Variants in CDKAL1 observed in about 807,000 individuals in gnomAD.
The protein encoded by CDKAL1 is threonylcarbamoyladenosine tRNA methylthiotransferase.
In CDKAL1, 32 loss-of-function variants were observed where a neutral mutation model predicts 68.2. The ratio of observed to expected loss-of-function variants is 0.47; its 90% CI spans 0.35 to 0.63. CDKAL1 has a LOEUF of 0.63. Ranked by LOEUF, CDKAL1 falls within the 30% of genes least tolerant of loss-of-function variation. The pLI, the probability that CDKAL1 is intolerant of heterozygous loss-of-function variation, is 0.00. For missense variants in CDKAL1, 606 were observed against 696.7 expected (o/e 0.87, Z 1.47); for synonymous variants, 234 against 244.3 (o/e 0.96, Z 0.39).
At chr6:21,226,223 A>T (rs1779735674) in intron 15 of CDKAL1, among the ~76,000 whole-genome samples, 1 of 152,126 alleles carries the variant, frequency 6.6e-6, no homozygotes, top group Admixed American at 6.5e-5. Context: ...TTATCATCCC[A>T]ACTGTCTGTA....
chr6:20,649,982 G>T (rs1388115130), intron 5 of CDKAL1, among the ~76,000 whole-genome samples: 1 of 152,198 alleles, frequency 6.6e-6, no homozygotes, highest in East Asian at 1.9e-4. Context: ...AATTTGGGTT[G>T]ATTCCATGTC....
chr6:20,782,820 C>T (rs1775487020), intron 8 of CDKAL1, among the ~76,000 whole-genome samples: 1 of 152,152 alleles, frequency 6.6e-6, no homozygotes, highest in Admixed American at 6.6e-5. Context: ...TAAAATTTGA[C>T]AGTTTAGTGG....
intron 9 of CDKAL1, among the ~76,000 whole-genome samples, chr6:20,895,506 C>T (rs1277511844): frequency 6.6e-6 from 1 of 152,164 alleles, no homozygotes; most frequent in African/African-American, 2.4e-5. Flanking sequence ...TTTTAGAATT[C>T]AGAATCTAAA....
intron 9 of CDKAL1, among the ~76,000 whole-genome samples, chr6:20,912,006 T>G (rs546981423): frequency 1.3e-5 from 2 of 152,278 alleles, no homozygotes; most frequent in South Asian, 4.1e-4. Context: ...CTGACAACTT[T>G]CCTCTGAGAA....
intron 10 of CDKAL1, among the ~76,000 whole-genome samples, chr6:20,982,817 A>G (rs1041697627): frequency 6.6e-6 from 1 of 152,308 alleles, no homozygotes; most frequent in South Asian, 2.1e-4. Context: ...AAATAAATCT[A>G]TATTTTTAAT....
At chr6:21,202,539 T>C (rs11965158) in intron 15 of CDKAL1, among the ~76,000 whole-genome samples, 148 of 152,326 alleles carry the variant, frequency 9.7e-4, no homozygotes, top group African/African-American at 3.1e-3. Flanking sequence ...AGTCAGCTTA[T>C]TTTTTGTTTT....
intron 10 of CDKAL1, among the ~76,000 whole-genome samples, chr6:20,984,345 A>T (rs1414306978): frequency 6.6e-6 from 1 of 152,054 alleles, no homozygotes; most frequent in South Asian, 2.1e-4. Context: ...CGGGTGCAGG[A>T]GCTGGGGCAA....
intron 10 of CDKAL1, among the ~76,000 whole-genome samples, chr6:20,987,896 C>T (rs1766562104): frequency 6.6e-6 from 1 of 151,230 alleles, no homozygotes; most frequent in Non-Finnish European, 1.5e-5. Context: ...CCTTCTACCT[C>T]GGCCTCCCAA....
At chr6:20,548,547 T>A (rs1454683672) in intron 3 of CDKAL1, 46 bp from the exon 4 acceptor site, 1 of 858,172 alleles carries the variant, frequency 1.2e-6, no homozygotes, top group South Asian at 1.4e-5. Context: ...AAAAAAAAAA[T>A]CACTCAATGA....
chr6:20,617,777 G>A (rs575526250), intron 4 of CDKAL1, among the ~76,000 whole-genome samples: 48 of 152,192 alleles, frequency 3.2e-4, no homozygotes, highest in African/African-American at 1.0e-3. Context: ...ATAGTATTCC[G>A]TGGTGTATAT....
intron 9 of CDKAL1, among the ~76,000 whole-genome samples, chr6:20,944,842 C>T (rs1275952720): frequency 6.6e-6 from 1 of 152,090 alleles, no homozygotes; most frequent in Non-Finnish European, 1.5e-5. Context: ...ACATTACCTG[C>T]AAATGTTTGT....
rs371034134 is a variant in CDKAL1, at chr6:20,595,315, C to T, written c.286+46610C>T. Among the ~76,000 whole-genome samples the T allele has an allele frequency of 3.9e-5, 6 of 152,272 alleles. No homozygotes were observed. The East Asian group carries it at 7.7e-4, about 20-fold the overall frequency. ...ATCACTTTCAGGTACACCAATCAAA[C>T]GTAGGTTTGGTCTTTTCACATAGTC... On this transcript the variant is annotated intron_variant, in intron 4 of 15. Transcript: ENST00000274695.
At chr6:20,699,832 AC>A (rs1210279068) in intron 5 of CDKAL1, among the ~76,000 whole-genome samples, 2 of 152,224 alleles carry the variant, frequency 1.3e-5, no homozygotes, top group Admixed American at 1.3e-4. Flanking sequence ...CTTTTGATTT[AC>A]TTAGTAGTTT....
rs375003254 is a variant in CDKAL1 at position 20,671,831 on chromosome 6, T to C, written c.371+22454T>C. Among the ~76,000 whole-genome samples the C allele has an allele frequency of 1.6e-4, 25 of 152,222 alleles. No homozygotes were observed. The East Asian group carries it at 2.9e-3, about 18-fold the overall frequency. ...ATGGCTTACTACAGCCTTGAGATCA[T>C]GGACCAACATGATTCTCCTGCCTCT... On this transcript the variant is annotated intron_variant, in intron 5 of 15. Coordinates refer to ENST00000274695, the MANE Select transcript of CDKAL1 (RefSeq NM_017774.3).
intron 13 of CDKAL1, among the ~76,000 whole-genome samples, chr6:21,161,107 C>T (rs1293408524): frequency 2.0e-5 from 3 of 152,052 alleles, no homozygotes; most frequent in Non-Finnish European, 4.4e-5. Context: ...GCTGGTGACA[C>T]CCAGCCTGAC....
chr6:21,065,263 C>G, intron 12 of CDKAL1, 35 bp downstream of exon 12: 1 of 1,524,274 alleles, frequency 6.6e-7, no homozygotes, highest in Non-Finnish European at 9.0e-7. Context: ...TTGTTTTTTG[C>G]CAGTAGCTAT....
intron 2 of CDKAL1, among the ~76,000 whole-genome samples, chr6:20,545,593 T>C (rs1036760513): frequency 1.3e-5 from 2 of 152,110 alleles, no homozygotes; most frequent in African/African-American, 2.4e-5. Flanking sequence ...TACACCACCA[T>C]GCCTGGCTAA....
At chr6:20,705,648 C>T (rs1448309069) in intron 5 of CDKAL1, among the ~76,000 whole-genome samples, 2 of 152,160 alleles carry the variant, frequency 1.3e-5, no homozygotes, top group Non-Finnish European at 2.9e-5. Flanking sequence ...GAATTCAGGA[C>T]ACATTTTTAC....
intron 4 of CDKAL1, among the ~76,000 whole-genome samples, chr6:20,647,922 T>A (rs1768553170): frequency 1.3e-5 from 2 of 151,120 alleles, no homozygotes; most frequent in Admixed American, 6.6e-5. Flanking sequence ...AACATTTTTT[T>A]TTTTTAGCTG....
Sources: allele counts gnomAD v4.1 joint callset (sites outside exome capture counted in the v4.1 genomes callset), GRCh38; gene constraint gnomAD v4.1.1; transcripts MANE v1.5; gene names NCBI Gene and HGNC (gene_info 2026-07-23, HGNC 2026-07-21).